CTNNA2: variants seen among roughly 807,000 people sequenced by gnomAD.
CTNNA2 encodes the protein catenin alpha 2, also known as catenin alpha-2.
Under a neutral mutation model 101.0 loss-of-function variants are expected in CTNNA2, and 42 were observed. The observed-to-expected ratio is 0.42, with a 90% CI of 0.32 to 0.54. The LOEUF is 0.54. Among genes scored for constraint, CTNNA2 ranks in the 20% least tolerant of loss-of-function variants. CTNNA2 has a pLI of 0.14. For missense variants in CTNNA2, 871 were observed against 1,223.1 expected (o/e 0.71, Z 4.29); for synonymous variants, 450 against 456.4 (o/e 0.99, Z 0.18).
At position 79,550,322 on chromosome 2, in the gene CTNNA2, T is replaced by G. The variant is rs185549066; in HGVS notation, c.-6+37115T>G. ...TAAATTGAGCAGTCACTGGATGCTG[T>G]GTTTCCTTGAGAAGAGGCCATGACT... On this transcript the variant is annotated intron_variant, in intron 1 of 18. Transcript: ENST00000402739. Among the ~76,000 whole-genome samples, 6 of 152,270 alleles carry G rather than the reference T, an allele frequency of 3.9e-5. No homozygotes were observed. The East Asian group carries it at 1.2e-3, about 29-fold the overall frequency.
At position 79,983,351 on chromosome 2, in the gene CTNNA2, G is replaced by A. The variant is rs79878876; in HGVS notation, c.1056+73554G>A. Among the ~76,000 whole-genome samples the A allele has an allele frequency of 3.6e-3, 552 of 151,938 alleles. 10 individuals carry two copies. The East Asian group carries it at 0.053, about 15-fold the overall frequency. ...GTGAAACTTATATCCAAATGGAGGA[G>A]ACACACAATAAATACATAGAAAAAT... On this transcript the variant is annotated intron_variant, in intron 7 of 18. Coordinates refer to ENST00000402739, the MANE Select transcript of CTNNA2 (RefSeq NM_001282597.3).
chr2:79,246,970 A>T (rs1583370), intron 2 of CTNNA2, among the ~76,000 whole-genome samples: 40,655 of 152,156 alleles, frequency 0.27, 5,858 homozygotes, highest in Admixed American at 0.37. Flanking sequence ...GCTAGGGCTC[A>T]TGGCCTTTGG....
At chr2:80,374,290 C>G (rs972838470) in intron 7 of CTNNA2, among the ~76,000 whole-genome samples, 1 of 152,074 alleles carries the variant, frequency 6.6e-6, no homozygotes, top group African/African-American at 2.4e-5. Context: ...TTAACTCTCA[C>G]TTATAAGTGA....
At chr2:79,599,582 T>G (rs1224329574) in intron 1 of CTNNA2, among the ~76,000 whole-genome samples, 1 of 152,168 alleles carries the variant, frequency 6.6e-6, no homozygotes, top group African/African-American at 2.4e-5. Context: ...AATTATATCT[T>G]TGAACTGAAT....
Position 79,520,618 on chromosome 2 carries a change from A to G in CTNNA2, c.-6+7411A>G, listed in dbSNP as rs914726168. 7.2e-5 allele frequency among the ~76,000 whole-genome samples: 11 copies of G among 152,232 alleles called. 1 individual carries two copies. Among genetic ancestry groups the G allele is most frequent in the African/African-American group, 2.4e-4 (10 of 41,470 alleles). On this transcript the variant is annotated intron_variant, in intron 1 of 18. Coordinates refer to ENST00000402739, the MANE Select transcript of CTNNA2 (RefSeq NM_001282597.3). ...ACAAAGGACTTTATCTAGACTATGTATAGAACTCTTGCAACTCAGTAAGAA... is the reference window on the plus strand; with the variant it reads ...ACAAAGGACTTTATCTAGACTATGTGTAGAACTCTTGCAACTCAGTAAGAA...
At chr2:80,564,389 A>G (rs2149680978) in intron 12 of CTNNA2, among the ~76,000 whole-genome samples, 1 of 152,302 alleles carries the variant, frequency 6.6e-6, no homozygotes, top group East Asian at 1.9e-4. Flanking sequence ...ATTTTAAAAT[A>G]GAAGAAAACT....
At chr2:80,040,501 G>A (rs1695970982) in intron 7 of CTNNA2, among the ~76,000 whole-genome samples, 1 of 152,064 alleles carries the variant, frequency 6.6e-6, no homozygotes, top group Non-Finnish European at 1.5e-5. Flanking sequence ...GTTTTTAAAG[G>A]GGCTGTTCCT....
intron 2 of CTNNA2, among the ~76,000 whole-genome samples, chr2:79,718,949 G>T (rs1417265400): frequency 2.0e-5 from 3 of 151,912 alleles, no homozygotes; most frequent in Admixed American, 1.3e-4. Context: ...GATACAGGGG[G>T]TACATGTACA....
At chr2:80,473,153 G>T (rs1685440729) in intron 9 of CTNNA2, among the ~76,000 whole-genome samples, 1 of 152,184 alleles carries the variant, frequency 6.6e-6, no homozygotes, top group South Asian at 2.1e-4. Flanking sequence ...TCTGATGAGA[G>T]TAAGGGCATT....
chr2:80,102,971 A>G (rs1417954304), intron 7 of CTNNA2, among the ~76,000 whole-genome samples: 2 of 152,144 alleles, frequency 1.3e-5, no homozygotes, highest in Non-Finnish European at 2.9e-5. Context: ...TCTATTCCAG[A>G]AGCACTACCA....
intron 1 of CTNNA2, among the ~76,000 whole-genome samples, chr2:79,542,312 T>A (rs767625242): frequency 1.3e-5 from 2 of 152,202 alleles, no homozygotes; most frequent in African/African-American, 2.4e-5. Context: ...TGTTATCTGA[T>A]GTTAAAAGTA....
chr2:79,414,441 A>G (rs1678453845), intron 4 of CTNNA2, among the ~76,000 whole-genome samples: 1 of 152,072 alleles, frequency 6.6e-6, no homozygotes, highest in Non-Finnish European at 1.5e-5. Context: ...TCAAACGCTC[A>G]TACACACCCT....
intron 2 of CTNNA2, among the ~76,000 whole-genome samples, chr2:79,690,004 C>T (rs973416386): frequency 2.0e-5 from 3 of 151,752 alleles, no homozygotes; most frequent in Admixed American, 6.6e-5. Context: ...CTAAAATACC[C>T]ATAGAAGAAA....
intron 7 of CTNNA2, among the ~76,000 whole-genome samples, chr2:80,372,829 T>A (rs1559053629): frequency 6.6e-6 from 1 of 151,974 alleles, no homozygotes; most frequent in African/African-American, 2.4e-5. Flanking sequence ...AAAATTTTGC[T>A]CCCCCCTTCC....
chr2:80,357,895 C>T (rs1248216813), intron 7 of CTNNA2, among the ~76,000 whole-genome samples: 1 of 152,054 alleles, frequency 6.6e-6, no homozygotes, highest in Non-Finnish European at 1.5e-5. Context: ...TTTATTGACA[C>T]TTGGTAATAC....
Position 79,760,309 on chromosome 2 carries a change from GTGTA to G in CTNNA2, c.298+15729_298+15732del, listed in dbSNP as rs113182175. Among the ~76,000 whole-genome samples, 1,273 of 143,340 alleles carry G rather than the reference GTGTA, an allele frequency of 8.9e-3. 11 individuals are homozygous for G. The highest frequency in any genetic ancestry group is 0.048 in the South Asian group (220 of 4,542). 94.0% of individuals were successfully genotyped at this position (143,340 alleles called of 152,430 possible). A position where few individuals can be genotyped will look rare whatever the true frequency, so the allele number is the denominator to read the frequency against. On this transcript the variant is annotated intron_variant, in intron 3 of 18. Transcript: ENST00000402739. The stretch of plus-strand genomic sequence containing the variant: ...AAAATGTGTGTGTGTGTGTGTGTGT[GTGTA>G]TATAATCTTTAGTTATTTTAGTCTG...
At chr2:79,482,164 T>C (rs1244908351) in intron 4 of CTNNA2, among the ~76,000 whole-genome samples, 1 of 152,210 alleles carries the variant, frequency 6.6e-6, no homozygotes, top group East Asian at 1.9e-4. Context: ...TGACGGTTCA[T>C]AACAATAGAG....
At chr2:80,215,373 C>G (rs896374636) in intron 7 of CTNNA2, among the ~76,000 whole-genome samples, 1 of 152,146 alleles carries the variant, frequency 6.6e-6, no homozygotes, top group African/African-American at 2.4e-5. Flanking sequence ...CTTTTCTGCT[C>G]TATCCCTATC....
At chr2:79,700,606 G>T (rs1684940029) in intron 2 of CTNNA2, among the ~76,000 whole-genome samples, 1 of 152,086 alleles carries the variant, frequency 6.6e-6, no homozygotes, top group Non-Finnish European at 1.5e-5. Flanking sequence ...CGATTGGGAT[G>T]CCATAAAATG....
Sources: allele counts gnomAD v4.1 joint callset (sites outside exome capture counted in the v4.1 genomes callset), GRCh38; gene constraint gnomAD v4.1.1; transcripts MANE v1.5; gene names NCBI Gene and HGNC (gene_info 2026-07-23, HGNC 2026-07-21).